Variants in MACF1 observed in about 807,000 individuals in gnomAD.
MACF1 encodes microtubule actin crosslinking factor 1.
In MACF1, 193 loss-of-function variants were observed where a neutral mutation model predicts 854.8. The observed-to-expected ratio is 0.23, with a 90% CI of 0.20 to 0.25. The LOEUF (loss-of-function observed/expected upper bound fraction) is 0.25. Ranked by LOEUF, MACF1 falls within the 10% of genes least tolerant of loss-of-function variation. The pLI, the probability that MACF1 is intolerant of heterozygous loss-of-function variation, is 1.00. For missense variants in MACF1, 7,722 were observed against 8,929.1 expected, an observed-to-expected ratio of 0.86 and a Z score of 5.45; for synonymous variants, 3,185 against 3,226.7, an observed-to-expected ratio of 0.99 and a Z score of 0.44.
At chr1:39,191,889 A>C (rs1644258900) in intron 2 of MACF1, among the ~76,000 whole-genome samples, 1 of 152,134 alleles carries the variant, frequency 6.6e-6, no homozygotes, top group Non-Finnish European at 1.5e-5. Context: ...TGGGCCAGGC[A>C]CGGTGGCTCC....
Position 39,477,075 on chromosome 1 carries a change from A to ATACACACACATATATACACTTAGTG in MACF1, c.21959-2721_21959-2720insCACACACATATATACACTTAGTGTA, listed in dbSNP as rs1557675013. 7.3e-3 allele frequency among the ~76,000 whole-genome samples: 373 copies of ATACACACACATATATACACTTAGTG among 51,284 alleles called. 21 individuals carry two copies. Among genetic ancestry groups the ATACACACACATATATACACTTAGTG allele is most frequent in the African/African-American group, 0.022 (202 of 9,004 alleles). The allele number at this position is 51,284 out of a possible 152,430, so 33.6% of individuals were successfully genotyped here. ...TATATATATATATATATATATATAT[A>ATACACACACATATATACACTTAGTG]TATATATATATATATACACACACAC... On this transcript the variant is annotated intron_variant, in intron 97 of 100. Coordinates refer to ENST00000564288, the MANE Select transcript of MACF1 (RefSeq NM_001394062.1).
chr1:39,140,417 T>C (rs1450361471), intron 2 of MACF1, among the ~76,000 whole-genome samples: 2 of 152,226 alleles, frequency 1.3e-5, no homozygotes, highest in Non-Finnish European at 2.9e-5. Flanking sequence ...TGCCTTATTC[T>C]TTGTCTCTGA....
intron 58 of MACF1, chr1:39,410,059 T>C (rs1642917886): frequency 1.1e-5 from 5 of 459,840 alleles, no homozygotes. Context: ...ATGAGGCTGC[T>C]AGCCTGTGAG....
At chr1:39,304,592 C>A (rs1302803654) in intron 23 of MACF1, 6 of 714,502 alleles carry the variant, frequency 8.4e-6, no homozygotes, top group Non-Finnish European at 1.4e-5. Flanking sequence ...GAGACAGAGC[C>A]TTGCTCTGTC....
intron 70 of MACF1, chr1:39,436,337 G>T: frequency 1.3e-6 from 1 of 762,708 alleles, no homozygotes; most frequent in Non-Finnish European, 2.3e-6. Flanking sequence ...GTTAATATTT[G>T]TACTTACTCA....
chr1:39,248,817 T>C (rs920522773), intron 2 of MACF1, among the ~76,000 whole-genome samples: 103 of 152,172 alleles, frequency 6.8e-4, no homozygotes, highest in African/African-American at 2.5e-3. Flanking sequence ...CAGCCTTGAT[T>C]TCCTGGGCTC....
At chr1:39,364,953 C>T (rs987273563) in intron 49 of MACF1, among the ~76,000 whole-genome samples, 3 of 151,974 alleles carry the variant, frequency 2.0e-5, no homozygotes, top group African/African-American at 7.3e-5. Flanking sequence ...ACATTTGAAT[C>T]TTTTAACAAT....
rs1570156569 is a variant in MACF1, at chr1:39,458,998, T to C, written c.21197-88T>C. The C allele has an allele frequency of 5.2e-6, 6 of 1,155,020 alleles. No homozygotes were observed. The East Asian group carries it at 1.4e-4, about 28-fold the overall frequency. The allele number at this position is 1,155,020 out of a possible 1,614,324, so 71.5% of individuals were successfully genotyped here. A position where few individuals can be genotyped will look rare whatever the true frequency, so the allele number is the denominator to read the frequency against. On this transcript the variant is annotated intron_variant, in intron 90 of 100. Transcript: ENST00000564288. ...TTCTCAGTTATTGACTGGATATTAT[T>C]ATAAAGATCTTCTAGGTTTATACAT...
intron 2 of MACF1, among the ~76,000 whole-genome samples, chr1:39,131,185 A>G (rs1170355073): frequency 1.0e-5 from 1 of 98,104 alleles, no homozygotes; most frequent in Non-Finnish European, 2.0e-5. Flanking sequence ...TTTTTAAGAG[A>G]CAGAGTCTTG....
chr1:39,385,167 A>G lies in MACF1; in HGVS notation c.13849-267A>G, dbSNP rs151222251. On this transcript the variant is annotated intron_variant, in intron 56 of 100. Transcript: ENST00000564288. ...ACTGCAACCTCGGCCTCCTGGGTTCAAGCAATTCTCGTGCCTCAGCCTCCC... is the reference window on the plus strand; with the variant it reads ...ACTGCAACCTCGGCCTCCTGGGTTCGAGCAATTCTCGTGCCTCAGCCTCCC... Among the ~76,000 whole-genome samples, 761 of 152,226 alleles carry G rather than the reference A, an allele frequency of 5.0e-3. 9 individuals are homozygous for G. Among genetic ancestry groups the G allele is most frequent in the African/African-American group, 0.017 (715 of 41,538 alleles).
intron 69 of MACF1, among the ~76,000 whole-genome samples, chr1:39,434,907 C>T (rs889012700): frequency 1.3e-5 from 2 of 151,988 alleles, no homozygotes; most frequent in East Asian, 3.9e-4. Flanking sequence ...AAAATATTTC[C>T]GGGGATAATA....
At chr1:39,176,619 A>G (rs1644033187) in intron 2 of MACF1, among the ~76,000 whole-genome samples, 1 of 152,100 alleles carries the variant, frequency 6.6e-6, no homozygotes, top group African/African-American at 2.4e-5. Context: ...CTAGATATGA[A>G]TTCTTGTTAT....
At chr1:39,413,212 G>A (rs777365833) in intron 58 of MACF1, 62 of 1,613,312 alleles carry the variant, frequency 3.8e-5, no homozygotes, top group Non-Finnish European at 4.4e-5. Context: ...CACAGTGCAT[G>A]CTCCAGAGGA....
chr1:39,450,737 G>A (rs1346756263), intron 84 of MACF1, among the ~76,000 whole-genome samples: 1 of 148,336 alleles, frequency 6.7e-6, no homozygotes, highest in Non-Finnish European at 1.5e-5. Context: ...TCAGCTTCCC[G>A]AGTAGCTGGA....
In MACF1 at chr1:39,357,361, T is replaced by TC. The variant is rs771072545; in HGVS notation, c.11425-14_11425-13insC. On this transcript the variant is annotated splice_polypyrimidine_tract_variant and intron_variant, in intron 44 of 100. Transcript: ENST00000564288. ...ACTGATTGTCCTTTGTTTGGGGGGA[T>TC]TTTTTTTTACCAGGCCCGTCACCAA... 3 of 1,509,438 alleles carry TC rather than the reference T, an allele frequency of 2.0e-6. No homozygotes were observed. The South Asian group carries it at 3.5e-5, about 18-fold the overall frequency. The allele number at this position is 1,509,438 out of a possible 1,614,324, so 93.5% of individuals were successfully genotyped here.
At chr1:39,270,246 A>G (rs1354969672) in intron 6 of MACF1, among the ~76,000 whole-genome samples, 1 of 152,206 alleles carries the variant, frequency 6.6e-6, no homozygotes, top group African/African-American at 2.4e-5. Context: ...GCACTCATTC[A>G]GTATTTGTAT....
At chr1:39,162,233 C>T (rs1643813737) in intron 2 of MACF1, among the ~76,000 whole-genome samples, 1 of 152,090 alleles carries the variant, frequency 6.6e-6, no homozygotes, top group African/African-American at 2.4e-5. Context: ...AACTCCTGAC[C>T]TCAAGTGATC....
chr1:39,331,279 G>A lies in MACF1; in HGVS notation c.4691G>A (p.Gly1564Asp). Residue 1564 changes from glycine to aspartate, a missense_variant, in exon 37 of 101, where the codon GGC (glycine) becomes GAC (aspartate). Physicochemically the swap from Gly to Asp is moderately conservative, Grantham distance 94. Around this residue, in one of 15 missense-constraint regions of MACF1, gnomAD observed 1,531 missense variants for 1,601.6 expected, o/e 0.96. Coordinates refer to ENST00000564288, the MANE Select transcript of MACF1 (RefSeq NM_001394062.1). ...CCCATCTTCAAAGCCATGCAAAAGG[G>A]CCTCCTTGACCAAGACACAGGCCTA... Reference protein sequence around the residue: ...IFPIFKAMQKGLLDQDTGLVL... With the variant: ...IFPIFKAMQKDLLDQDTGLVL... The A allele has an allele frequency of 6.2e-7, 1 of 1,610,354 alleles. No individual in the cohort carries two copies. The highest frequency in any genetic ancestry group is 8.5e-7 in the Non-Finnish European group (1 of 1,179,470).
chr1:39,294,324 C>T (rs1238823604), intron 18 of MACF1, among the ~76,000 whole-genome samples: 2 of 152,200 alleles, frequency 1.3e-5, no homozygotes, highest in Non-Finnish European at 2.9e-5. Context: ...AGTATTTTCA[C>T]ACTCAGAAGA....
Sources: allele counts gnomAD v4.1 joint callset (sites outside exome capture counted in the v4.1 genomes callset), GRCh38; gene constraint gnomAD v4.1.1; regional missense constraint gnomAD v4.1.1; transcripts MANE v1.5; gene names NCBI Gene and HGNC (gene_info 2026-07-23, HGNC 2026-07-21).